ARPP21: variants seen among roughly 807,000 people sequenced by gnomAD.
The protein encoded by ARPP21 is cAMP regulated phosphoprotein 21.
Under a neutral mutation model 113.2 loss-of-function variants are expected in ARPP21, and 69 were observed. That is an observed-to-expected ratio of 0.61 (90% CI 0.50 to 0.74). ARPP21 has a LOEUF of 0.74. ARPP21 is among the 30% of genes least tolerant of loss of function. The pLI is 0.00. For synonymous variants in ARPP21, 368 were observed against 375.5 expected (o/e 0.98, Z 0.23); for missense variants, 1,070 against 1,037.4 (o/e 1.03, Z -0.43).
intron 19 of ARPP21, among the ~76,000 whole-genome samples, chr3:35,756,633 T>A (rs1337160033): frequency 6.6e-6 from 1 of 152,084 alleles, no homozygotes; most frequent in Non-Finnish European, 1.5e-5. Flanking sequence ...ACATCATGAT[T>A]CCCACACTGT....
intron 1 of ARPP21, among the ~76,000 whole-genome samples, chr3:35,676,202 A>G (rs1429722185): frequency 6.6e-6 from 1 of 151,948 alleles, no homozygotes; most frequent in African/African-American, 2.4e-5. Flanking sequence ...GTTTTTATTG[A>G]CAACAGACTT....
chr3:35,691,032 G>A (rs2082090683), intron 9 of ARPP21, 27 bp downstream of exon 9: 9 of 1,585,180 alleles, frequency 5.7e-6, no homozygotes, highest in Admixed American at 1.8e-5. Context: ...TACTTATTTA[G>A]CATTTTCTTT....
intron 1 of ARPP21, among the ~76,000 whole-genome samples, chr3:35,663,306 C>T (rs1708658719): frequency 1.3e-5 from 2 of 152,006 alleles, no homozygotes; most frequent in African/African-American, 4.8e-5. Context: ...GTTTTTAAAC[C>T]CCTAACATTC....
intron 19 of ARPP21, among the ~76,000 whole-genome samples, chr3:35,773,944 G>C (rs140499033): frequency 6.6e-6 from 1 of 152,176 alleles, no homozygotes; most frequent in African/African-American, 2.4e-5. Flanking sequence ...GGAGGTACTG[G>C]GGACACATTT....
At chr3:35,771,312 T>C (rs1419672220) in intron 19 of ARPP21, among the ~76,000 whole-genome samples, 5 of 151,912 alleles carry the variant, frequency 3.3e-5, no homozygotes, top group Non-Finnish European at 7.4e-5. Flanking sequence ...AAGTATCACA[T>C]AACATCAGAA....
intron 1 of ARPP21, among the ~76,000 whole-genome samples, chr3:35,653,087 C>CA (rs1263290359): frequency 3.9e-5 from 6 of 151,974 alleles, no homozygotes; most frequent in Non-Finnish European, 8.8e-5. Flanking sequence ...ATTGTGATTT[C>CA]AAATAAATAA....
rs115441629 is a variant in ARPP21, at chr3:35,649,046, G to A, written c.-213+8648G>A. On this transcript the variant is annotated intron_variant, in intron 1 of 20. Transcript: ENST00000684406. Reference sequence around the variant, plus strand: ...CTTACGTTAAATACACAAACAAAAGGCCTATTTCCCAGTCCATTTTTCATT... The same window carrying A: ...CTTACGTTAAATACACAAACAAAAGACCTATTTCCCAGTCCATTTTTCATT... Among the ~76,000 whole-genome samples the A allele has an allele frequency of 5.7e-3, 869 of 152,206 alleles. 6 individuals carry two copies. Among genetic ancestry groups the A allele is most frequent in the African/African-American group, 0.02 (838 of 41,536 alleles).
At chr3:35,717,206 T>G in intron 12 of ARPP21, 92 bp from the exon 13 acceptor site, 2 of 697,106 alleles carry the variant, frequency 2.9e-6, no homozygotes, top group Non-Finnish European at 5.1e-6. Flanking sequence ...ATGGGATTGA[T>G]TTGTGCTGTA....
chr3:35,792,821 A>G lies in ARPP21; in HGVS notation c.2286+291A>G, dbSNP rs145025557. Among the ~76,000 whole-genome samples, 452 of 152,330 alleles carry G rather than the reference A, an allele frequency of 3.0e-3. 2 individuals are homozygous for G. Among genetic ancestry groups the G allele is most frequent in the African/African-American group, 0.01 (420 of 41,576 alleles). ...GTTTTATTCATAAAGACCTTTGGAA[A>G]TTTTATTGCATTTTGCTTATTGGTA... On this transcript the variant is annotated intron_variant, in intron 20 of 20. Coordinates refer to ENST00000684406, the MANE Select transcript of ARPP21 (RefSeq NM_001385562.1).
chr3:35,734,793 T>G (rs1195306215), intron 15 of ARPP21, among the ~76,000 whole-genome samples: 1 of 152,208 alleles, frequency 6.6e-6, no homozygotes, highest in Non-Finnish European at 1.5e-5. Flanking sequence ...CATTTTACTT[T>G]CCTAATTTAT....
At position 35,737,622 on chromosome 3, in the gene ARPP21, A is replaced by T. The variant is rs187188400; in HGVS notation, c.1644+260A>T. Among the ~76,000 whole-genome samples the T allele has an allele frequency of 4.0e-3, 610 of 152,350 alleles. 8 individuals are homozygous for T. Among genetic ancestry groups the T allele is most frequent in the African/African-American group, 0.014 (568 of 41,572 alleles). On this transcript the variant is annotated intron_variant, in intron 16 of 20. Coordinates refer to ENST00000684406, the MANE Select transcript of ARPP21 (RefSeq NM_001385562.1). ...GAATAAATGATTTTTTCTTAGGTCT[A>T]AATGCCCTTTTTTTAAATGTATGGA...
At chr3:35,700,576 G>A (rs1208835928) in intron 9 of ARPP21, among the ~76,000 whole-genome samples, 1 of 151,222 alleles carries the variant, frequency 6.6e-6, no homozygotes, top group African/African-American at 2.4e-5. Flanking sequence ...CCACTGATAA[G>A]AAAAGCCTGA....
chr3:35,740,872 A>G (rs1418827679), intron 18 of ARPP21, among the ~76,000 whole-genome samples: 2 of 152,084 alleles, frequency 1.3e-5, no homozygotes, highest in African/African-American at 4.8e-5. Flanking sequence ...CTGAGGCAAA[A>G]GGACTACTTG....
In ARPP21 at chr3:35,791,632, T is replaced by C. The variant is rs1033322023; in HGVS notation, c.2138-750T>C. ...ACCTAAAAAAATAAAAAAAGACAAATGAAGGCTAACAAACTGACCCACCCA... is the reference window on the plus strand; with the variant it reads ...ACCTAAAAAAATAAAAAAAGACAAACGAAGGCTAACAAACTGACCCACCCA... On this transcript the variant is annotated intron_variant, in intron 19 of 20. Coordinates refer to ENST00000684406, the MANE Select transcript of ARPP21 (RefSeq NM_001385562.1). Among the ~76,000 whole-genome samples, 3 of 152,064 alleles carry C rather than the reference T, an allele frequency of 2.0e-5. No homozygotes were observed. The East Asian group carries it at 5.8e-4, about 29-fold the overall frequency.
chr3:35,647,380 T>G (rs1700637684), intron 1 of ARPP21, among the ~76,000 whole-genome samples: 1 of 152,110 alleles, frequency 6.6e-6, no homozygotes, highest in Admixed American at 6.6e-5. Flanking sequence ...ACAGAGATGT[T>G]TTGAATTCAG....
intron 1 of ARPP21, among the ~76,000 whole-genome samples, chr3:35,656,855 G>T (rs1433378450): frequency 6.6e-6 from 1 of 151,956 alleles, no homozygotes; most frequent in South Asian, 2.1e-4. Flanking sequence ...CTACCATTTA[G>T]TTACATCAAG....
chr3:35,785,359 G>A (rs1208098511), intron 19 of ARPP21: 1 of 152,128 alleles, frequency 6.6e-6, no homozygotes, highest in South Asian at 2.1e-4. Flanking sequence ...TATGGGCCAG[G>A]AAAGTTCAGA....
chr3:35,694,278 T>A (rs1238913713), intron 9 of ARPP21, among the ~76,000 whole-genome samples: 1 of 151,556 alleles, frequency 6.6e-6, no homozygotes, highest in African/African-American at 2.4e-5. Context: ...ACCTCTGGTA[T>A]TTTTAATAAT....
chr3:35,690,514 A>G (rs777984429), intron 8 of ARPP21, among the ~76,000 whole-genome samples: 8 of 151,538 alleles, frequency 5.3e-5, no homozygotes, highest in Non-Finnish European at 1.5e-5. Flanking sequence ...GTAATGACAC[A>G]TCTCCATATA....
Sources: gnomAD v4.1 joint callset for allele counts (sites outside exome capture counted in the v4.1 genomes callset) on GRCh38, gnomAD v4.1.1 for gene constraint, MANE v1.5 for transcripts, NCBI Gene and HGNC (gene_info 2026-07-23, HGNC 2026-07-21) for gene names.